The following REEP3 variants were observed in gnomAD, a reference collection of about 807,000 sequenced individuals.
REEP3 encodes receptor expression-enhancing protein 3.
Under a neutral mutation model 41.3 loss-of-function variants are expected in REEP3, and 20 were observed. That is an observed-to-expected ratio of 0.48 (90% CI 0.34 to 0.70). The LOEUF is 0.70. Ranked by LOEUF, REEP3 falls within the 30% of genes least tolerant of loss-of-function variation. The probability of loss-of-function intolerance (pLI) is 0.01; values close to 1 mark genes in which losing one functional copy is unlikely to be tolerated. For missense variants in REEP3, 271 were observed against 308.8 expected (o/e 0.88, Z 0.92); for synonymous variants, 104 against 101.8 (o/e 1.02, Z -0.13).
intron 2 of REEP3, among the ~76,000 whole-genome samples, chr10:63,576,383 C>T (rs79737597): frequency 6.6e-6 from 1 of 152,302 alleles, no homozygotes; most frequent in Non-Finnish European, 1.5e-5. Flanking sequence ...GGCCACACTC[C>T]CTCAGAAACC....
intron 1 of REEP3, among the ~76,000 whole-genome samples, chr10:63,541,274 A>G (rs1161834443): frequency 6.6e-6 from 1 of 152,224 alleles, no homozygotes; most frequent in Non-Finnish European, 1.5e-5. Flanking sequence ...TATGTCTACA[A>G]AACAAGCTGA....
At chr10:63,531,958 A>G (rs1385657314) in intron 1 of REEP3, among the ~76,000 whole-genome samples, 1 of 152,246 alleles carries the variant, frequency 6.6e-6, no homozygotes, top group East Asian at 1.9e-4. Flanking sequence ...CTATGTTTAC[A>G]GAGAATTTCT....
At position 63,623,424 on chromosome 10, in the gene REEP3, T is replaced by C. The variant is rs1411996038; in HGVS notation, c.*2555T>C. 1 of 152,208 alleles carries C rather than the reference T, an allele frequency of 6.6e-6. No homozygotes were observed. The highest frequency in any genetic ancestry group is 1.5e-5 in the Non-Finnish European group (1 of 68,034). 9.4% of individuals were successfully genotyped at this position (152,208 alleles called of 1,614,324 possible). A position where few individuals can be genotyped will look rare whatever the true frequency, so the allele number is the denominator to read the frequency against. On this transcript the variant is annotated 3_prime_UTR_variant, in exon 8 of 8. Transcript: ENST00000373758. ...GTTTTAAAAGAGGTAAATGTATCCA[T>C]AGACCACAGTGCCTTGCTTTTTCCT... is the stretch of plus-strand genomic sequence containing the variant.
intron 2 of REEP3, among the ~76,000 whole-genome samples, chr10:63,569,157 A>T (rs1269537373): frequency 6.6e-6 from 1 of 152,204 alleles, no homozygotes; most frequent in Non-Finnish European, 1.5e-5. Context: ...TTGAAAGATA[A>T]AATTAAGAGT....
At chr10:63,552,328 A>G (rs1011197670) in intron 1 of REEP3, among the ~76,000 whole-genome samples, 1 of 152,014 alleles carries the variant, frequency 6.6e-6, no homozygotes, top group Non-Finnish European at 1.5e-5. Flanking sequence ...GGAGAATGGC[A>G]TGAATTCAGG....
chr10:63,530,555 C>T (rs560989070), intron 1 of REEP3, among the ~76,000 whole-genome samples: 1 of 152,322 alleles, frequency 6.6e-6, no homozygotes, highest in Admixed American at 6.5e-5. Flanking sequence ...AAAGAAAACA[C>T]ATTCTAAACT....
At chr10:63,606,263 T>TTTTA (rs142517247) in intron 5 of REEP3, 1 of 151,674 alleles carries the variant, frequency 6.6e-6, no homozygotes, top group East Asian at 2.0e-4. Flanking sequence ...GAACTTTTCT[T>TTTTA]TTTCTTTCTT....
intron 1 of REEP3, among the ~76,000 whole-genome samples, chr10:63,522,595 T>C (rs995580315): frequency 1.3e-5 from 2 of 152,118 alleles, no homozygotes; most frequent in African/African-American, 4.8e-5. Context: ...GAAAAAATGT[T>C]TATGTGAGGG....
chr10:63,537,220 G>A (rs187058570), intron 1 of REEP3, among the ~76,000 whole-genome samples: 2 of 152,244 alleles, frequency 1.3e-5, no homozygotes, highest in East Asian at 3.9e-4. Context: ...GAAAGTTATA[G>A]TGTTTGTGTT....
chr10:63,522,457 A>G (rs965608862), intron 1 of REEP3, among the ~76,000 whole-genome samples: 5 of 151,938 alleles, frequency 3.3e-5, no homozygotes, highest in Admixed American at 2.0e-4. Flanking sequence ...TCTCATCTCC[A>G]TTTTACCCCT....
At position 63,621,924 on chromosome 10, in the gene REEP3, T is replaced by C. The variant is rs1249773967; in HGVS notation, c.*1055T>C. ...CATTGACGAAAATCATTTGAATCTC[T>C]TCTGGCTGAGATAATTTGCCAATGC... On this transcript the variant is annotated 3_prime_UTR_variant, in exon 8 of 8. Transcript: ENST00000373758. The C allele has an allele frequency of 6.6e-6, 1 of 152,236 alleles. No homozygotes were observed. Among genetic ancestry groups the C allele is most frequent in the Admixed American group, 6.5e-5 (1 of 15,282 alleles). 9.4% of individuals were successfully genotyped at this position (152,236 alleles called of 1,614,324 possible). A position where few individuals can be genotyped will look rare whatever the true frequency, so the allele number is the denominator to read the frequency against.
rs1196060105 is a variant in REEP3 at position 63,621,512 on chromosome 10, T to C, written c.*643T>C. On this transcript the variant is annotated 3_prime_UTR_variant, in exon 8 of 8. Coordinates refer to ENST00000373758, the MANE Select transcript of REEP3 (RefSeq NM_001001330.3). ...ACTGTTTTACTGATGCTATCTTTATTGTTTTTGCCGTATTCTGACATGTCA... is the reference window on the plus strand; with the variant it reads ...ACTGTTTTACTGATGCTATCTTTATCGTTTTTGCCGTATTCTGACATGTCA... The C allele has an allele frequency of 6.6e-6, 1 of 152,644 alleles. No individual in the cohort carries two copies. Among genetic ancestry groups the C allele is most frequent in the Non-Finnish European group, 1.5e-5 (1 of 68,024 alleles). The allele number at this position is 152,644 out of a possible 1,614,324, so 9.5% of individuals were successfully genotyped here.
At position 63,624,306 on chromosome 10, in the gene REEP3, T is replaced by A. The variant is rs1333684077; in HGVS notation, c.*3437T>A. 6.6e-6 allele frequency: 1 copy of A among 152,118 alleles called. No individual in the cohort carries two copies. Among genetic ancestry groups the A allele is most frequent in the Admixed American group, 6.5e-5 (1 of 15,272 alleles). The allele number at this position is 152,118 out of a possible 1,614,324, so 9.4% of individuals were successfully genotyped here. A position where few individuals can be genotyped will look rare whatever the true frequency, so the allele number is the denominator to read the frequency against. On this transcript the variant is annotated 3_prime_UTR_variant, in exon 8 of 8. Transcript: ENST00000373758. The stretch of plus-strand genomic sequence containing the variant: ...ATTTTTCAGAAAGAAAATTATAGCT[T>A]TTTTCCCAAAATATTTTTAAGATTT...
chr10:63,617,895 G>C (rs952331273), intron 6 of REEP3, among the ~76,000 whole-genome samples: 1 of 139,236 alleles, frequency 7.2e-6, no homozygotes, highest in African/African-American at 2.7e-5. Context: ...TGCAATCTCA[G>C]CTCACTGCAA....
At position 63,623,952 on chromosome 10, in the gene REEP3, A is replaced by G. The variant is rs949080581; in HGVS notation, c.*3083A>G. On this transcript the variant is annotated 3_prime_UTR_variant, in exon 8 of 8. Coordinates refer to ENST00000373758, the MANE Select transcript of REEP3 (RefSeq NM_001001330.3). ...GTGTTATAAAGTATATAAATATTCC[A>G]AATTTCTGTGGTTAAATATTTTTTT... The G allele has an allele frequency of 2.6e-5, 4 of 153,098 alleles. No individual in the cohort carries two copies. The highest frequency in any genetic ancestry group is 5.9e-5 in the Non-Finnish European group (4 of 68,188). 9.5% of individuals were successfully genotyped at this position (153,098 alleles called of 1,614,324 possible).
chr10:63,577,520 T>C (rs559257884), intron 2 of REEP3, among the ~76,000 whole-genome samples: 1 of 152,176 alleles, frequency 6.6e-6, no homozygotes, highest in South Asian at 2.1e-4. Context: ...ACCTCCTGGG[T>C]TCATGCGATC....
At chr10:63,611,684 G>A (rs536788109) in intron 6 of REEP3, among the ~76,000 whole-genome samples, 1 of 151,552 alleles carries the variant, frequency 6.6e-6, no homozygotes, top group African/African-American at 2.4e-5. Flanking sequence ...TTTCTTTTGA[G>A]AGAGATTGAA....
intron 1 of REEP3, among the ~76,000 whole-genome samples, chr10:63,565,750 T>C (rs1393986454): frequency 6.6e-6 from 1 of 152,222 alleles, no homozygotes; most frequent in African/African-American, 2.4e-5. Flanking sequence ...TTATTGGTGA[T>C]TTCCTACATT....
At chr10:63,537,400 A>G (rs1360293542) in intron 1 of REEP3, among the ~76,000 whole-genome samples, 1 of 152,166 alleles carries the variant, frequency 6.6e-6, no homozygotes, top group Non-Finnish European at 1.5e-5. Context: ...AAATTATAGG[A>G]TAGGGGTTAG....
Sources: gnomAD v4.1 joint callset for allele counts (sites outside exome capture counted in the v4.1 genomes callset) on GRCh38, gnomAD v4.1.1 for gene constraint, MANE v1.5 for transcripts, NCBI Gene and HGNC (gene_info 2026-07-23, HGNC 2026-07-21) for gene names.